Variants in SLC22A23 observed in about 807,000 individuals in gnomAD.
The protein encoded by SLC22A23 is solute carrier family 22 member 23.
Under a neutral mutation model 61.0 loss-of-function variants are expected in SLC22A23, and 26 were observed. That is an observed-to-expected ratio of 0.43 (90% CI 0.31 to 0.59). The LOEUF (loss-of-function observed/expected upper bound fraction) is 0.59, where lower values mean the gene tolerates loss of function less well. Ranked by LOEUF, SLC22A23 falls within the 20% of genes least tolerant of loss-of-function variation. SLC22A23 has a pLI of 0.11. For missense variants in SLC22A23, 796 were observed against 934.7 expected, an observed-to-expected ratio of 0.85 and a Z score of 1.94; for synonymous variants, 430 against 413.9, an observed-to-expected ratio of 1.04 and a Z score of -0.47.
intron 3 of SLC22A23, among the ~76,000 whole-genome samples, chr6:3,394,298 C>T (rs141855506): frequency 2.1e-3 from 317 of 152,248 alleles, no homozygotes; most frequent in Non-Finnish European, 3.5e-3. Context: ...CCCAGCAACT[C>T]CAGGCACACA....
chr6:3,275,305 A>G (rs533819511), intron 9 of SLC22A23, among the ~76,000 whole-genome samples: 1 of 151,870 alleles, frequency 6.6e-6, no homozygotes, highest in Non-Finnish European at 1.5e-5. Flanking sequence ...CATGTAAAAA[A>G]ATGAACTCAA....
At chr6:3,275,337 GCTTAA>G (rs1422975878) in intron 9 of SLC22A23, among the ~76,000 whole-genome samples, 9 of 152,200 alleles carry the variant, frequency 5.9e-5, no homozygotes, top group East Asian at 5.8e-4. Context: ...AAATCTAAGT[GCTTAA>G]CTTAGCTCAA....
rs921843523 is a variant in SLC22A23, at chr6:3,322,762, G to A, written c.1082+1072C>T. ...AAAGGTAGGTGCTTTCTTCCCTCCC[G>A]GGCACCTGAGCAAAGGAAGCTCAGC... On this transcript the variant is annotated intron_variant, in intron 4 of 9. Transcript: ENST00000406686. This position sits in a 1 kb window ranked among gnomAD's most constrained non-coding sequence, Gnocchi z 4.1. 1.3e-5 allele frequency among the ~76,000 whole-genome samples: 2 copies of A among 152,132 alleles called. No individual in the cohort carries two copies. The highest frequency in any genetic ancestry group is 2.9e-5 in the Non-Finnish European group (2 of 68,030).
intron 9 of SLC22A23, chr6:3,283,566 C>G (rs78315458): frequency 5.5e-5 from 22 of 401,092 alleles, no homozygotes; most frequent in East Asian, 2.2e-4. Flanking sequence ...GCACTCCCCC[C>G]CTTGCCAGAC....
intron 3 of SLC22A23, among the ~76,000 whole-genome samples, chr6:3,345,357 T>G (rs1033691365): frequency 1.1e-4 from 15 of 131,684 alleles, no homozygotes; most frequent in African/African-American, 4.6e-4. Context: ...AGTTTATATC[T>G]CTTTTCTTTT....
At chr6:3,275,676 A>G (rs1054568279) in intron 9 of SLC22A23, among the ~76,000 whole-genome samples, 13 of 152,170 alleles carry the variant, frequency 8.5e-5, no homozygotes, top group Non-Finnish European at 1.2e-4. Context: ...TCTGCCTCCC[A>G]GGTTCATGTC....
At chr6:3,359,440 C>T (rs1000138111) in intron 3 of SLC22A23, among the ~76,000 whole-genome samples, 6 of 152,190 alleles carry the variant, frequency 3.9e-5, no homozygotes, top group African/African-American at 1.4e-4. Flanking sequence ...TGGAAAGATG[C>T]TCAACGTCAC....
chr6:3,289,992 T>TC, intron 5 of SLC22A23, 126 bp from the exon 6 acceptor site: 1 of 761,268 alleles, frequency 1.3e-6, no homozygotes. Flanking sequence ...TTTTTTTTTT[T>TC]TTTTTTTTTT....
chr6:3,369,187 G>A (rs1197667899), intron 3 of SLC22A23, among the ~76,000 whole-genome samples: 1 of 151,964 alleles, frequency 6.6e-6, no homozygotes, highest in African/African-American at 2.4e-5. Context: ...AAGGGAACTG[G>A]TAAAAACCAT....
At chr6:3,314,364 G>A (rs1270579886) in intron 4 of SLC22A23, among the ~76,000 whole-genome samples, 1 of 152,152 alleles carries the variant, frequency 6.6e-6, no homozygotes, top group African/African-American at 2.4e-5. Flanking sequence ...GGTAGTCCCT[G>A]TGGCTCTGGA....
intron 7 of SLC22A23, among the ~76,000 whole-genome samples, chr6:3,285,458 G>C (rs1463447925): frequency 1.3e-5 from 2 of 152,248 alleles, no homozygotes; most frequent in Non-Finnish European, 2.9e-5. Context: ...GCTGCGTCAA[G>C]TGCTGTGGGG....
At chr6:3,388,140 C>A (rs1386092651) in intron 3 of SLC22A23, among the ~76,000 whole-genome samples, 1 of 152,196 alleles carries the variant, frequency 6.6e-6, no homozygotes, top group African/African-American at 2.4e-5. Flanking sequence ...GCCACAGAAA[C>A]ACAGAAGGGG....
chr6:3,278,518 C>T (rs1214259485), intron 9 of SLC22A23, among the ~76,000 whole-genome samples: 2 of 152,196 alleles, frequency 1.3e-5, no homozygotes, highest in South Asian at 2.1e-4. Flanking sequence ...AGTCTCTGAG[C>T]CCTTCAAGGG....
chr6:3,394,168 G>A (rs1767854951), intron 3 of SLC22A23, among the ~76,000 whole-genome samples: 1 of 152,040 alleles, frequency 6.6e-6, no homozygotes, highest in Non-Finnish European at 1.5e-5. Flanking sequence ...AGGAAAAGAG[G>A]GATCGGGCAC....
rs113675669 is a variant in SLC22A23, at chr6:3,278,361, T to A, written c.1704-4949A>T. Reference sequence around the variant, plus strand: ...AGCCACACCACTGTGCTTCTGGGCCTGAAGACGATATGGATGAGGAAGAGC... The same window carrying A: ...AGCCACACCACTGTGCTTCTGGGCCAGAAGACGATATGGATGAGGAAGAGC... On this transcript the variant is annotated intron_variant, in intron 9 of 9. Coordinates refer to ENST00000406686, the MANE Select transcript of SLC22A23 (RefSeq NM_015482.2). Among the ~76,000 whole-genome samples the A allele has an allele frequency of 9.0e-4, 137 of 152,130 alleles. 2 individuals are homozygous for A. The highest frequency in any genetic ancestry group is 3.2e-3 in the African/African-American group (131 of 41,400).
rs866404712 is a variant in SLC22A23, at chr6:3,402,544, G to A, written c.913+7644C>T. ...CACACTACACAGAGTGCACTAGGCTGCAGCCCACTCCAATCATCCACACTA... is the reference window on the plus strand; with the variant it reads ...CACACTACACAGAGTGCACTAGGCTACAGCCCACTCCAATCATCCACACTA... On this transcript the variant is annotated intron_variant, in intron 3 of 9. Coordinates refer to ENST00000406686, the MANE Select transcript of SLC22A23 (RefSeq NM_015482.2). 2.5e-3 allele frequency among the ~76,000 whole-genome samples: 100 copies of A among 39,734 alleles called. 2 individuals are homozygous for A. The highest frequency in any genetic ancestry group is 0.016 in the African/African-American group (97 of 6,252). 26.1% of individuals were successfully genotyped at this position (39,734 alleles called of 152,430 possible).
At position 3,317,173 on chromosome 6, in the gene SLC22A23, G is replaced by A. The variant is rs757114609; in HGVS notation, c.1082+6661C>T. On this transcript the variant is annotated intron_variant, in intron 4 of 9. Coordinates refer to ENST00000406686, the MANE Select transcript of SLC22A23 (RefSeq NM_015482.2). The surrounding 1 kb of genome is among the most constrained non-coding windows in gnomAD (Gnocchi z 4.4). ...GAAACTTGATGTCACCCTGTCCCACGTATTACCTTCCTGATCTTCCATGCT... is the reference window on the plus strand; with the variant it reads ...GAAACTTGATGTCACCCTGTCCCACATATTACCTTCCTGATCTTCCATGCT... Among the ~76,000 whole-genome samples, 7 of 152,120 alleles carry A rather than the reference G, an allele frequency of 4.6e-5. No individual in the cohort carries two copies. Among genetic ancestry groups the A allele is most frequent in the South Asian group, 2.1e-4 (1 of 4,818 alleles).
At chr6:3,374,160 T>C (rs1368008605) in intron 3 of SLC22A23, among the ~76,000 whole-genome samples, 1 of 152,220 alleles carries the variant, frequency 6.6e-6, no homozygotes, top group Non-Finnish European at 1.5e-5. Flanking sequence ...TTTACCTACA[T>C]CTTTTTCTTT....
intron 1 of SLC22A23, among the ~76,000 whole-genome samples, chr6:3,452,038 A>C (rs938002267): frequency 6.6e-6 from 1 of 152,196 alleles, no homozygotes; most frequent in Non-Finnish European, 1.5e-5. Context: ...TATAAAACAG[A>C]CTTTGTGTGA....
Sources: gnomAD v4.1 joint callset for allele counts (sites outside exome capture counted in the v4.1 genomes callset) on GRCh38, gnomAD v4.1.1 for gene constraint, Gnocchi (gnomAD v3.1) non-coding constraint, MANE v1.5 for transcripts, NCBI Gene and HGNC (gene_info 2026-07-23, HGNC 2026-07-21) for gene names.